Variants in ITPKC observed in about 807,000 individuals in gnomAD.
ITPKC encodes the protein IP3 3-kinase C.
ITPKC carries 33 observed loss-of-function variants against 67.1 expected under a neutral mutation model. That is an observed-to-expected ratio of 0.49 (90% confidence interval 0.37 to 0.66). The LOEUF is 0.66. Ranked by LOEUF, ITPKC falls within the 30% of genes least tolerant of loss-of-function variation. The pLI, the probability that ITPKC is intolerant of heterozygous loss-of-function variation, is 0.00. For missense variants in ITPKC, 820 were observed against 892.1 expected, an observed-to-expected ratio of 0.92 and a Z score of 1.03; for synonymous variants, 341 against 359.8, an observed-to-expected ratio of 0.95 and a Z score of 0.59.
chr19:40,733,355 G>A lies in ITPKC; in HGVS notation c.1665G>A (p.Glu555=), dbSNP rs2082280669. The A allele has an allele frequency of 6.2e-7, 1 of 1,608,506 alleles. No individual in the cohort carries two copies. The highest frequency in any genetic ancestry group is 1.7e-5 in the Admixed American group (1 of 59,092). Residue 555 remains glutamate, a synonymous_variant, in exon 4 of 7, where the codon GAG becomes GAA. Coordinates refer to ENST00000263370, the MANE Select transcript of ITPKC (RefSeq NM_025194.3). The part of the protein sequence containing the change: ...SSTSTLGFRI[E]GIKKADGTCN... ...CCTCTACCCTGGGCTTCCGGATCGA[G>A]GGCATCAAGGTGAGGACCAGGAACC...
rs987780582 is a variant in ITPKC, at chr19:40,733,969, A to G, written c.1674+605A>G. Among the ~76,000 whole-genome samples, 6 of 152,218 alleles carry G rather than the reference A, an allele frequency of 3.9e-5. No homozygotes were observed. The South Asian group carries it at 1.0e-3, about 26-fold the overall frequency. On this transcript the variant is annotated intron_variant, in intron 4 of 6. Coordinates refer to ENST00000263370, the MANE Select transcript of ITPKC (RefSeq NM_025194.3). Reference sequence around the variant, plus strand: ...TAATATTATAAAAGGGTAAATGTGGAGAAATTTCTCTCCCAACTCTGCTGC... The same window carrying G: ...TAATATTATAAAAGGGTAAATGTGGGGAAATTTCTCTCCCAACTCTGCTGC...
intron 4 of ITPKC, among the ~76,000 whole-genome samples, chr19:40,734,417 G>A (rs964525271): frequency 2.6e-5 from 4 of 151,904 alleles, no homozygotes; most frequent in South Asian, 2.1e-4. Flanking sequence ...GGAAATTTGC[G>A]AGAGATGACC....
Position 40,729,398 on chromosome 19 carries a change from C to T in ITPKC, c.1452C>T (p.Asp484=). 4.3e-6 allele frequency: 7 copies of T among 1,613,162 alleles called. No homozygotes were observed. Among genetic ancestry groups the T allele is most frequent in the Non-Finnish European group, 5.9e-6 (7 of 1,179,722 alleles). The part of the protein sequence containing the change: ...LADFEGPSIM[D]CKMGSRTYLE... Reference sequence around the variant, plus strand: ...ACTTTGAGGGCCCCTCCATTATGGACTGCAAGATGGGCAGCAGGTGGGGCT... The same window carrying T: ...ACTTTGAGGGCCCCTCCATTATGGATTGCAAGATGGGCAGCAGGTGGGGCT... Residue 484 remains aspartate, a synonymous_variant, in exon 3 of 7, where the codon GAC becomes GAT. Transcript: ENST00000263370.
chr19:40,724,954 A>G (rs1203911965), intron 1 of ITPKC, among the ~76,000 whole-genome samples: 1 of 149,328 alleles, frequency 6.7e-6, no homozygotes, highest in East Asian at 2.0e-4. Flanking sequence ...AATTAAAAAA[A>G]AAAAAAAAAG....
At chr19:40,734,781 G>GTTGT (rs1568451995) in intron 4 of ITPKC, among the ~76,000 whole-genome samples, 4 of 114,892 alleles carry the variant, frequency 3.5e-5, no homozygotes, top group Non-Finnish European at 3.5e-5. Flanking sequence ...GCTAATTGTT[G>GTTGT]TTTTTTTTTT....
At chr19:40,719,378 A>G (rs1429752624) in intron 1 of ITPKC, among the ~76,000 whole-genome samples, 3 of 151,882 alleles carry the variant, frequency 2.0e-5, no homozygotes, top group Non-Finnish European at 4.4e-5. Flanking sequence ...AATAATAATA[A>G]TAATAATAAT....
At chr19:40,726,616 G>A (rs1220059291) in intron 2 of ITPKC, among the ~76,000 whole-genome samples, 4 of 152,174 alleles carry the variant, frequency 2.6e-5, no homozygotes, top group Non-Finnish European at 5.9e-5. Flanking sequence ...GGCAAATGGC[G>A]ACAGTAAGAG....
intron 6 of ITPKC, among the ~76,000 whole-genome samples, chr19:40,738,298 G>A (rs1320037350): frequency 1.3e-5 from 2 of 151,946 alleles, no homozygotes; most frequent in African/African-American, 4.8e-5. Context: ...GCGTGGTGGC[G>A]GGCGCCTGTA....
At chr19:40,725,261 G>A (rs7253502) in intron 1 of ITPKC, 79 bp from the exon 2 acceptor site, 139,521 of 885,882 alleles carry the variant, frequency 0.16, 12,601 homozygotes, top group Middle Eastern at 0.2. Flanking sequence ...GTCCCCTTTC[G>A]TTCCCTCTCA....
Position 40,717,609 on chromosome 19 carries a change from CGAG to C in ITPKC, c.479_481del (p.Glu160del). The stretch of plus-strand genomic sequence containing the variant: ...ACAGGTCCGACCTCCAGTTTCAGCC[CGAG>C]GAGGCCAGCCCCTGGACACAGCCAG... On this transcript the variant is annotated inframe_deletion, in exon 1 of 7. Coordinates refer to ENST00000263370, the MANE Select transcript of ITPKC (RefSeq NM_025194.3). 6.2e-7 allele frequency: 1 copy of C among 1,614,172 alleles called. No homozygotes were observed. The highest frequency in any genetic ancestry group is 8.5e-7 in the Non-Finnish European group (1 of 1,180,022).
At chr19:40,734,942 T>G (rs1342633359) in intron 4 of ITPKC, among the ~76,000 whole-genome samples, 1 of 152,054 alleles carries the variant, frequency 6.6e-6, no homozygotes, top group Non-Finnish European at 1.5e-5. Context: ...CCACCGCTCC[T>G]GGCTAATTTT....
chr19:40,731,595 G>T (rs1016886408), intron 3 of ITPKC, among the ~76,000 whole-genome samples: 7 of 81,080 alleles, frequency 8.6e-5, no homozygotes, highest in African/African-American at 2.6e-4. Context: ...CCAATCCTTG[G>T]TTTTTTTTTT....
At position 40,718,220 on chromosome 19, in the gene ITPKC, C is replaced by T. The variant is rs763091217; in HGVS notation, c.1085C>T (p.Ser362Phe). ...AGCGGCGGCTTCTCCTCTGCCTCTTCTTTCGACGAGTCTGAGGATGACGTG... is the reference window on the plus strand; with the variant it reads ...AGCGGCGGCTTCTCCTCTGCCTCTTTTTTCGACGAGTCTGAGGATGACGTG... The part of the protein sequence containing the change: ...GGSGGFSSAS[S>F]FDESEDDVVA... The change falls in exon 1 of 7, where the codon TCT becomes TTT. Residue 362 changes from serine to phenylalanine, a missense_variant. Physicochemically the swap from Ser to Phe is radical, Grantham distance 155 (BLOSUM62 -2). This residue lies in a region of ITPKC where 481 missense variants were observed against 470.1 expected (regional missense o/e 1.02). Coordinates refer to ENST00000263370, the MANE Select transcript of ITPKC (RefSeq NM_025194.3). The T allele has an allele frequency of 2.6e-6, 4 of 1,546,262 alleles. No individual in the cohort carries two copies. In the African/African-American group the frequency reaches 5.5e-5, roughly 21 times the overall value.
Position 40,717,126 on chromosome 19 carries a change from A to C in ITPKC, c.-10A>C. On this transcript the variant is annotated 5_prime_UTR_variant, in exon 1 of 7. Coordinates refer to ENST00000263370, the MANE Select transcript of ITPKC (RefSeq NM_025194.3). ...CCGGGTCGGCCGAAGCCCGAACCGA[A>C]GGAGCGGGCATGAGGCGCTGCCCGT... 8.2e-7 allele frequency: 1 copy of C among 1,222,246 alleles called. No homozygotes were observed. The highest frequency in any genetic ancestry group is 1.0e-6 in the Non-Finnish European group (1 of 981,070). The allele number at this position is 1,222,246 out of a possible 1,614,324, so 75.7% of individuals were successfully genotyped here. A position where few individuals can be genotyped will look rare whatever the true frequency, so the allele number is the denominator to read the frequency against.
At chr19:40,726,855 G>A (rs2144741066) in intron 2 of ITPKC, among the ~76,000 whole-genome samples, 1 of 152,150 alleles carries the variant, frequency 6.6e-6, no homozygotes, top group Admixed American at 6.5e-5. Context: ...CAGCCTGGGT[G>A]ACATAGTGAG....
rs779252153 is a variant in ITPKC at position 40,717,929 on chromosome 19, G to A, written c.794G>A (p.Gly265Asp). ...GCAGCCAGGAAACAGCCTGGCACTGGTGGTTTCCAAATACAACAGGATACT... is the reference window on the plus strand; with the variant it reads ...GCAGCCAGGAAACAGCCTGGCACTGATGGTTTCCAAATACAACAGGATACT... ...TEAARKQPGT[G>D]GFQIQQDTDG... Residue 265 changes from glycine (G) to aspartate (D), a missense_variant, in exon 1 of 7, where the codon GGT becomes GAT. Physicochemically the swap from Gly to Asp is moderately conservative, Grantham distance 94. Coordinates refer to ENST00000263370, the MANE Select transcript of ITPKC (RefSeq NM_025194.3). The A allele has an allele frequency of 3.1e-6, 5 of 1,613,988 alleles. No individual in the cohort carries two copies. The highest frequency in any genetic ancestry group is 3.4e-6 in the Non-Finnish European group (4 of 1,180,022).
At chr19:40,736,266 G>T (rs149358179) in intron 4 of ITPKC, among the ~76,000 whole-genome samples, 1 of 151,872 alleles carries the variant, frequency 6.6e-6, no homozygotes, top group Non-Finnish European at 1.5e-5. Context: ...CTCCAGCCTG[G>T]GTGACAGAGT....
chr19:40,726,749 A>C (rs552189026), intron 2 of ITPKC, among the ~76,000 whole-genome samples: 29 of 152,362 alleles, frequency 1.9e-4, no homozygotes, highest in African/African-American at 6.7e-4. Flanking sequence ...TTTATTAAAA[A>C]AACAAAACTC....
rs147823701 is a variant in ITPKC at position 40,729,760 on chromosome 19, C to T, written c.1469+345C>T. Reference sequence around the variant, plus strand: ...CCAGCCTGGGCAACAAGAGTGGAACCCTGTCTCAAAAAAAAGAAAAGAAAA... The same window carrying T: ...CCAGCCTGGGCAACAAGAGTGGAACTCTGTCTCAAAAAAAAGAAAAGAAAA... On this transcript the variant is annotated intron_variant, in intron 3 of 6. Transcript: ENST00000263370. Among the ~76,000 whole-genome samples the T allele has an allele frequency of 2.3e-3, 346 of 150,580 alleles. 1 individual carries two copies. Among genetic ancestry groups the T allele is most frequent in the Admixed American group, 3.9e-3 (59 of 15,080 alleles).
Sources: allele counts gnomAD v4.1 joint callset (sites outside exome capture counted in the v4.1 genomes callset), GRCh38; gene constraint gnomAD v4.1.1; regional missense constraint gnomAD v4.1.1; transcripts MANE v1.5; gene names NCBI Gene and HGNC (gene_info 2026-07-23, HGNC 2026-07-21).